ORC6: variants seen among roughly 807,000 people sequenced by gnomAD.
ORC6 encodes origin recognition complex, subunit 6 homolog-like (yeast).
Under a neutral mutation model 30.0 loss-of-function variants are expected in ORC6, and 31 were observed. The ratio of observed to expected loss-of-function variants is 1.03; its 90% confidence interval spans 0.78 to 1.40. ORC6 has a LOEUF of 1.40. Among genes scored for constraint, ORC6 ranks in the 40% most tolerant of loss-of-function variants. The probability of loss-of-function intolerance (pLI) is 0.00; values close to 1 mark genes in which losing one functional copy is unlikely to be tolerated. For missense variants in ORC6, 340 were observed against 304.3 expected, an observed-to-expected ratio of 1.12 and a Z score of -0.87; for synonymous variants, 136 against 111.2, an observed-to-expected ratio of 1.22 and a Z score of -1.40.
At chr16:46,696,341 A>G in intron 6 of ORC6, 1 of 522,302 alleles carries the variant, frequency 1.9e-6, no homozygotes, top group Non-Finnish European at 3.5e-6. Context: ...GGATTGCTTG[A>G]GCCCATGAGT....
Position 46,697,745 on chromosome 16 carries a change from AGTGG to A in ORC6, c.*162_*165del. 1.3e-6 allele frequency: 1 copy of A among 787,174 alleles called. No individual in the cohort carries two copies. Among genetic ancestry groups the A allele is most frequent in the Non-Finnish European group, 2.2e-6 (1 of 458,526 alleles). 48.8% of individuals were successfully genotyped at this position (787,174 alleles called of 1,614,324 possible). A position where few individuals can be genotyped will look rare whatever the true frequency, so the allele number is the denominator to read the frequency against. On this transcript the variant is annotated 3_prime_UTR_variant, in exon 7 of 7. Transcript: ENST00000219097. ...GCCTACCTGGAGGCTAAGTCTGGGC[AGTGG>A]GCTGGCCCCTGGTGTGAGCATTAGA...
At position 46,698,183 on chromosome 16, in the gene ORC6, G is replaced by GGATGGATAGATAGATA. The variant is rs372278823; in HGVS notation, c.*601_*602insGGATAGATAGATAGAT. ...CTTATAGATAGATAGATAGATAGATGGATAGATAGATAGATAGATAGATAG... is the reference window on the plus strand; with the variant it reads ...CTTATAGATAGATAGATAGATAGATGGATGGATAGATAGATAGATAGATAGATAGATAGATAGATAG... On this transcript the variant is annotated 3_prime_UTR_variant, in exon 7 of 7. Transcript: ENST00000219097. 24 of 430,568 alleles carry GGATGGATAGATAGATA rather than the reference G, an allele frequency of 5.6e-5. No homozygotes were observed. Among genetic ancestry groups the GGATGGATAGATAGATA allele is most frequent in the African/African-American group, 2.3e-4 (11 of 47,782 alleles). 26.7% of individuals were successfully genotyped at this position (430,568 alleles called of 1,614,324 possible).
In ORC6 at chr16:46,689,721, A is replaced by G. The variant is rs1168743060; in HGVS notation, c.16A>G (p.Ile6Val). ...TGCCGGCGCCATGGGGTCGGAGCTG[A>G]TCGGGCGCCTAGCCCCGCGCCTGGG... MGSEL[I>V]GRLAPRLGLA... is the part of the protein sequence containing the mutation. The change falls in exon 1 of 7, where the codon ATC becomes GTC. Residue 6 changes from isoleucine (I) to valine (V), a missense_variant. Transcript: ENST00000219097. 1 of 1,602,262 alleles carries G rather than the reference A, an allele frequency of 6.2e-7. No individual in the cohort carries two copies. The highest frequency in any genetic ancestry group is 8.5e-7 in the Non-Finnish European group (1 of 1,174,704).
intron 5 of ORC6, 116 bp from the exon 6 acceptor site, chr16:46,695,901 C>A: frequency 1.2e-6 from 1 of 828,960 alleles, no homozygotes; most frequent in Non-Finnish European, 2.1e-6. Context: ...AAGATCATTT[C>A]TCTTCTCCTC....
chr16:46,691,642 AC>A (rs1966438461), intron 2 of ORC6, among the ~76,000 whole-genome samples: 2 of 152,238 alleles, frequency 1.3e-5, no homozygotes, highest in African/African-American at 4.8e-5. Flanking sequence ...AAATGGTAAT[AC>A]TAAAAACAAA....
chr16:46,696,343 C>T (rs901118910), intron 6 of ORC6: 2 of 515,422 alleles, frequency 3.9e-6, no homozygotes, highest in African/African-American at 3.9e-5. Context: ...ATTGCTTGAG[C>T]CCATGAGTGC....
intron 6 of ORC6, among the ~76,000 whole-genome samples, chr16:46,696,746 C>G (rs1966521921): frequency 6.6e-6 from 1 of 152,186 alleles, no homozygotes; most frequent in African/African-American, 2.4e-5. Flanking sequence ...GCCTCCGCCT[C>G]CTGAGCTCAA....
intron 1 of ORC6, among the ~76,000 whole-genome samples, chr16:46,690,008 C>T (rs1436059980): frequency 6.6e-6 from 1 of 152,230 alleles, no homozygotes; most frequent in Non-Finnish European, 1.5e-5. Context: ...CCAGCCCTGT[C>T]CGTGGGTAGA....
intron 4 of ORC6, chr16:46,695,114 G>A (rs1156837861): frequency 4.7e-6 from 1 of 211,342 alleles, no homozygotes; most frequent in Non-Finnish European, 9.5e-6. Flanking sequence ...GGTCTATTCT[G>A]AAGAAAAAGT....
At position 46,695,935 on chromosome 16, in the gene ORC6, A is replaced by C. The variant is rs962258725; in HGVS notation, c.563-82A>C. 1.3e-5 allele frequency: 14 copies of C among 1,038,190 alleles called. No individual in the cohort carries two copies. The African/African-American group carries it at 2.2e-4, about 16-fold the overall frequency. 64.3% of individuals were successfully genotyped at this position (1,038,190 alleles called of 1,614,324 possible). ...TCATATTTGATCAGTTAAGATGTCT[A>C]ATTTTATTTGTGATCCAAAACATGC... On this transcript the variant is annotated intron_variant, in intron 5 of 6. Transcript: ENST00000219097.
rs752622309 is a variant in ORC6 at position 46,697,443 on chromosome 16, A to G, written c.632-15A>G. ...GCTAAGAATTTTGAAATTGCTTTTG[A>G]TAATTTTCTGTCAGAAATGGAGAAG... On this transcript the variant is annotated splice_polypyrimidine_tract_variant and intron_variant, in intron 6 of 6. Coordinates refer to ENST00000219097, the MANE Select transcript of ORC6 (RefSeq NM_014321.4). 1 of 1,608,870 alleles carries G rather than the reference A, an allele frequency of 6.2e-7. No homozygotes were observed. The highest frequency in any genetic ancestry group is 1.1e-5 in the South Asian group (1 of 90,432).
rs111352300 is a variant in ORC6, at chr16:46,695,518, CTG to C, written c.450-42_450-41del. 4.7e-4 allele frequency: 558 copies of C among 1,189,908 alleles called. 2 individuals are homozygous for C. In the African/African-American group the frequency reaches 7.3e-3, roughly 16 times the overall value. The allele number at this position is 1,189,908 out of a possible 1,614,324, so 73.7% of individuals were successfully genotyped here. On this transcript the variant is annotated intron_variant, in intron 4 of 6. Coordinates refer to ENST00000219097, the MANE Select transcript of ORC6 (RefSeq NM_014321.4). ...TTATCTGGTTGCCCAGAGAAGAAAA[CTG>C]TACAGGTCTTGAGAAAAGCAACTTA... is the stretch of plus-strand genomic sequence containing the variant.
Position 46,698,226 on chromosome 16 carries a change from G to A in ORC6, c.*641G>A. ...ATAGATAGATAGATAAACGGAATTGGAGCCATTTTGCTTTAAGTGAATGGC... is the reference window on the plus strand; with the variant it reads ...ATAGATAGATAGATAAACGGAATTGAAGCCATTTTGCTTTAAGTGAATGGC... On this transcript the variant is annotated 3_prime_UTR_variant, in exon 7 of 7. Coordinates refer to ENST00000219097, the MANE Select transcript of ORC6 (RefSeq NM_014321.4). 2.4e-6 allele frequency: 1 copy of A among 419,394 alleles called. No individual in the cohort carries two copies. The highest frequency in any genetic ancestry group is 1.6e-5 in the South Asian group (1 of 63,210). The allele number at this position is 419,394 out of a possible 1,614,324, so 26.0% of individuals were successfully genotyped here.
Position 46,689,911 on chromosome 16 carries a change from T to C in ORC6, c.65+141T>C, listed in dbSNP as rs1966410210. On this transcript the variant is annotated intron_variant, in intron 1 of 6. Transcript: ENST00000219097. ...GGGCCGGGCGGGGTTTAGGGCCTAC[T>C]TCAAGAAAAACTTCTCGGCCGTGAG... The C allele has an allele frequency of 1.5e-5, 19 of 1,289,118 alleles. No individual in the cohort carries two copies. In the South Asian group the frequency reaches 2.7e-4, roughly 18 times the overall value. 79.9% of individuals were successfully genotyped at this position (1,289,118 alleles called of 1,614,324 possible).
intron 4 of ORC6, chr16:46,693,465 A>C: frequency 2.0e-6 from 1 of 498,884 alleles, no homozygotes; most frequent in South Asian, 2.1e-5. Context: ...ATCTGTCATT[A>C]AAACAGTCTT....
At chr16:46,696,606 C>T (rs1418659100) in intron 6 of ORC6, among the ~76,000 whole-genome samples, 2 of 152,206 alleles carry the variant, frequency 1.3e-5, no homozygotes, top group Non-Finnish European at 2.9e-5. Flanking sequence ...ATACCACCTA[C>T]TGGCTATGTG....
At position 46,698,291 on chromosome 16, in the gene ORC6, T is replaced by C. The variant is rs1567276166; in HGVS notation, c.*706T>C. 1 of 452,450 alleles carries C rather than the reference T, an allele frequency of 2.2e-6. No individual in the cohort carries two copies. Among genetic ancestry groups the C allele is most frequent in the African/African-American group, 2.0e-5 (1 of 48,810 alleles). The allele number at this position is 452,450 out of a possible 1,614,324, so 28.0% of individuals were successfully genotyped here. A position where few individuals can be genotyped will look rare whatever the true frequency, so the allele number is the denominator to read the frequency against. On this transcript the variant is annotated 3_prime_UTR_variant, in exon 7 of 7. Transcript: ENST00000219097. ...TTCAGAATATAAAATTCAGTCTGAA[T>C]GGCATCTTACAGATTTTACTTCAAT...
intron 5 of ORC6, 97 bp from the exon 6 acceptor site, chr16:46,695,920 T>A: frequency 1.1e-6 from 1 of 901,144 alleles, no homozygotes; most frequent in Non-Finnish European, 1.9e-6. Flanking sequence ...TCATATTTGA[T>A]CAGTTAAGAT....
At chr16:46,689,936 G>A in intron 1 of ORC6, 166 bp downstream of exon 1, 1 of 1,004,158 alleles carries the variant, frequency 1.0e-6, no homozygotes, top group Non-Finnish European at 1.4e-6. Flanking sequence ...TCGGCCGTGA[G>A]CTTGAATGAG....
Sources: allele counts gnomAD v4.1 joint callset (sites outside exome capture counted in the v4.1 genomes callset), GRCh38; gene constraint gnomAD v4.1.1; transcripts MANE v1.5; gene names NCBI Gene and HGNC (gene_info 2026-07-23, HGNC 2026-07-21).